The following C9orf40 variants were observed in gnomAD, a reference collection of about 807,000 sequenced individuals.
C9orf40 encodes the protein chromosome 9 open reading frame 40.
A neutral mutation model predicts 7.9 loss-of-function variants in C9orf40; 2 were observed. That is an observed-to-expected ratio of 0.25 (90% CI 0.10 to 0.80). C9orf40 has a LOEUF of 0.80. C9orf40 is among the 30% of genes least tolerant of loss of function. The pLI is 0.68. For missense variants in C9orf40, 256 were observed against 268.5 expected, an observed-to-expected ratio of 0.95 and a Z score of 0.33; for synonymous variants, 113 against 117.6, an observed-to-expected ratio of 0.96 and a Z score of 0.25.
rs1177429809 is a variant in C9orf40 at position 74,946,756 on chromosome 9, T to C, written c.*1292A>G. 1 of 152,192 alleles carries C rather than the reference T, an allele frequency of 6.6e-6. No homozygotes were observed. The highest frequency in any genetic ancestry group is 2.4e-5 in the African/African-American group (1 of 41,456). The allele number at this position is 152,192 out of a possible 1,614,324, so 9.4% of individuals were successfully genotyped here. A position where few individuals can be genotyped will look rare whatever the true frequency, so the allele number is the denominator to read the frequency against. ...TTCTGTTCTAAAGCATTCTTATTAA[T>C]GTCAACCCATTCTTAAATCCTTCAT... On this transcript the variant is annotated 3_prime_UTR_variant, in exon 2 of 2. Transcript: ENST00000376854.
intron 1 of C9orf40, among the ~76,000 whole-genome samples, chr9:74,949,375 A>G (rs1302547388): frequency 6.6e-6 from 1 of 152,186 alleles, no homozygotes; most frequent in Non-Finnish European, 1.5e-5. Context: ...TGAAAAACAA[A>G]CAAATAAACA....
chr9:74,952,334 T>C lies in C9orf40; in HGVS notation c.278A>G (p.Glu93Gly). Residue 93 changes from glutamate to glycine, a missense_variant, in exon 1 of 2, where the codon GAG (glutamate) becomes GGG (glycine). Transcript: ENST00000376854. This position sits in a 1 kb window ranked among gnomAD's most constrained non-coding sequence, Gnocchi z 5.4. ...CGGCGGCAGCGGCGGATCGCCTGTC[T>C]CCAGACCGTGGTCCTCACGCTCCTG... Reference protein sequence around the residue: ...SGQEREDHGLETGDPPLPPPP... With the variant: ...SGQEREDHGLGTGDPPLPPPP... The C allele has an allele frequency of 1.3e-6, 2 of 1,497,982 alleles. No individual in the cohort carries two copies. Among genetic ancestry groups the C allele is most frequent in the Non-Finnish European group, 1.8e-6 (2 of 1,130,694 alleles). The allele number at this position is 1,497,982 out of a possible 1,614,324, so 92.8% of individuals were successfully genotyped here.
intron 1 of C9orf40, among the ~76,000 whole-genome samples, chr9:74,951,120 T>C (rs1353432412): frequency 6.6e-6 from 1 of 152,168 alleles, no homozygotes; most frequent in East Asian, 1.9e-4. Context: ...ACGTTTCAAG[T>C]GTTCTTACCG....
At chr9:74,950,499 G>C (rs572396163) in intron 1 of C9orf40, among the ~76,000 whole-genome samples, 2 of 151,946 alleles carry the variant, frequency 1.3e-5, no homozygotes, top group Admixed American at 6.6e-5. Flanking sequence ...TGGATGGATG[G>C]TTTAGAAGAC....
rs193299226 is a variant in C9orf40, at chr9:74,946,993, A to G, written c.*1055T>C. 1.3e-5 allele frequency: 2 copies of G among 152,248 alleles called. No individual in the cohort carries two copies. Among genetic ancestry groups the G allele is most frequent in the African/African-American group, 2.4e-5 (1 of 41,470 alleles). The allele number at this position is 152,248 out of a possible 1,614,324, so 9.4% of individuals were successfully genotyped here. On this transcript the variant is annotated 3_prime_UTR_variant, in exon 2 of 2. Coordinates refer to ENST00000376854, the MANE Select transcript of C9orf40 (RefSeq NM_017998.3). Reference sequence around the variant, plus strand: ...TGCTTACTTTATTTCTTTAACAATGAAATAGTAATAACACAATAATTCAGT... The same window carrying G: ...TGCTTACTTTATTTCTTTAACAATGGAATAGTAATAACACAATAATTCAGT...
intron 1 of C9orf40, among the ~76,000 whole-genome samples, chr9:74,951,058 C>T (rs746007042): frequency 6.6e-6 from 1 of 152,062 alleles, no homozygotes; most frequent in African/African-American, 2.4e-5. Flanking sequence ...ATTAAATCCA[C>T]GAAATTTCGT....
chr9:74,949,424 CAT>C (rs1832274973), intron 1 of C9orf40, among the ~76,000 whole-genome samples: 2 of 152,106 alleles, frequency 1.3e-5, no homozygotes, highest in Admixed American at 6.5e-5. Context: ...AGTGAATCTA[CAT>C]AGTGACACTA....
rs937926781 is a variant in C9orf40 at position 74,947,295 on chromosome 9, C to G, written c.*753G>C. On this transcript the variant is annotated 3_prime_UTR_variant, in exon 2 of 2. Transcript: ENST00000376854. The stretch of plus-strand genomic sequence containing the variant: ...GCTGTCAGTGTTGAAAACTACAGGT[C>G]TAAAGTAATAAGGAATAAAACCATG... The G allele has an allele frequency of 2.0e-5, 3 of 152,576 alleles. No homozygotes were observed. The highest frequency in any genetic ancestry group is 4.4e-5 in the Non-Finnish European group (3 of 68,028). 9.5% of individuals were successfully genotyped at this position (152,576 alleles called of 1,614,324 possible).
rs138629715 is a variant in C9orf40, at chr9:74,947,775, A to G, written c.*273T>C. On this transcript the variant is annotated 3_prime_UTR_variant, in exon 2 of 2. Coordinates refer to ENST00000376854, the MANE Select transcript of C9orf40 (RefSeq NM_017998.3). ...TGCTAGAATTTCTTTTTATAAGATC[A>G]GTACCTTCAATTCTAGAATTTAAAC... 7.9e-6 allele frequency: 2 copies of G among 254,362 alleles called. No homozygotes were observed. Among genetic ancestry groups the G allele is most frequent in the East Asian group, 7.7e-5 (1 of 13,038 alleles). The allele number at this position is 254,362 out of a possible 1,614,324, so 15.8% of individuals were successfully genotyped here.
intron 1 of C9orf40, among the ~76,000 whole-genome samples, chr9:74,948,512 T>C (rs756816935): frequency 2.0e-5 from 3 of 152,118 alleles, no homozygotes; most frequent in African/African-American, 4.8e-5. Flanking sequence ...ATCTAAAAAG[T>C]CTTAAAATTT....
intron 1 of C9orf40, among the ~76,000 whole-genome samples, chr9:74,949,975 C>A (rs1004570086): frequency 3.0e-4 from 44 of 145,608 alleles, no homozygotes; most frequent in African/African-American, 1.0e-3. Flanking sequence ...TGGCAAAACC[C>A]CATCTCCACA....
chr9:74,952,220 G>C lies in C9orf40; in HGVS notation c.392C>G (p.Pro131Arg), dbSNP rs1211800689. ...GGDDGAGRAGPPRGDWGVASR... is the reference protein window; with the variant it reads ...GGDDGAGRAGRPRGDWGVASR... ...TGCGACCCCCCAGTCTCCCCGCGGG[G>C]GTCCTGCGCGCCCCGCCCCGTCGTC... is the stretch of plus-strand genomic sequence containing the variant. Residue 131 changes from proline to arginine, a missense_variant, in exon 1 of 2, where the codon CCC becomes CGC. Coordinates refer to ENST00000376854, the MANE Select transcript of C9orf40 (RefSeq NM_017998.3). The surrounding 1 kb of genome is among the most constrained non-coding windows in gnomAD (Gnocchi z 5.4). 4.1e-5 allele frequency: 50 copies of C among 1,213,556 alleles called. No homozygotes were observed. The highest frequency in any genetic ancestry group is 5.2e-5 in the Non-Finnish European group (50 of 967,224). The allele number at this position is 1,213,556 out of a possible 1,614,324, so 75.2% of individuals were successfully genotyped here.
chr9:74,952,607 G>A lies in C9orf40; in HGVS notation c.5C>T (p.Ala2Val). The change falls in exon 1 of 2, where the codon GCC (alanine) becomes GTC (valine). Residue 2 changes from alanine to valine, a missense_variant. Coordinates refer to ENST00000376854, the MANE Select transcript of C9orf40 (RefSeq NM_017998.3). The surrounding 1 kb of genome is among the most constrained non-coding windows in gnomAD (Gnocchi z 5.4). M[A>V]KRRAAEPVTF... ...CACCGGCTCGGCCGCACGCCGCTTGGCCATGGGCCCAGAGGCTCGGGCGGA... is the reference window on the plus strand; with the variant it reads ...CACCGGCTCGGCCGCACGCCGCTTGACCATGGGCCCAGAGGCTCGGGCGGA... 1 of 1,564,360 alleles carries A rather than the reference G, an allele frequency of 6.4e-7. No individual in the cohort carries two copies. The highest frequency in any genetic ancestry group is 1.2e-5 in the South Asian group (1 of 86,706).
At chr9:74,951,442 C>T (rs1256499344) in intron 1 of C9orf40, among the ~76,000 whole-genome samples, 1 of 152,152 alleles carries the variant, frequency 6.6e-6, no homozygotes, top group Non-Finnish European at 1.5e-5. Context: ...CGGGCATACA[C>T]CACCACACCC....
intron 1 of C9orf40, among the ~76,000 whole-genome samples, chr9:74,950,632 C>T (rs1832285517): frequency 6.6e-6 from 1 of 151,442 alleles, no homozygotes; most frequent in African/African-American, 2.4e-5. Flanking sequence ...ATAAAACTCT[C>T]GTTATTTTAT....
At position 74,952,202 on chromosome 9, in the gene C9orf40, C is replaced by G. The variant is rs1468554574; in HGVS notation, c.410G>C (p.Gly137Ala). 1.8e-6 allele frequency: 2 copies of G among 1,107,736 alleles called. No homozygotes were observed. Among genetic ancestry groups the G allele is most frequent in the Non-Finnish European group, 2.3e-6 (2 of 872,328 alleles). The allele number at this position is 1,107,736 out of a possible 1,614,324, so 68.6% of individuals were successfully genotyped here. A position where few individuals can be genotyped will look rare whatever the true frequency, so the allele number is the denominator to read the frequency against. ...GRAGPPRGDW[G>A]VASRQHNEEF... Reference sequence around the variant, plus strand: ...AGCCCCTACCTGGCGCGATGCGACCCCCCAGTCTCCCCGCGGGGGTCCTGC... The same window carrying G: ...AGCCCCTACCTGGCGCGATGCGACCGCCCAGTCTCCCCGCGGGGGTCCTGC... The change falls in exon 1 of 2, where the codon GGG (glycine) becomes GCG (alanine). Residue 137 changes from glycine to alanine, a missense_variant. Physicochemically the swap from Gly to Ala is moderately conservative, Grantham distance 60 (BLOSUM62 0). Coordinates refer to ENST00000376854, the MANE Select transcript of C9orf40 (RefSeq NM_017998.3). The surrounding 1 kb of genome is among the most constrained non-coding windows in gnomAD (Gnocchi z 5.4).
chr9:74,950,004 C>A (rs1183717306), intron 1 of C9orf40, among the ~76,000 whole-genome samples: 3 of 151,994 alleles, frequency 2.0e-5, no homozygotes, highest in Non-Finnish European at 4.4e-5. Context: ...AAAATTAGTC[C>A]AGCGTGGTGG....
Position 74,952,668 on chromosome 9 carries a change from G to A in C9orf40, c.-57C>T. On this transcript the variant is annotated 5_prime_UTR_variant, in exon 1 of 2. Transcript: ENST00000376854. This position sits in a 1 kb window ranked among gnomAD's most constrained non-coding sequence, Gnocchi z 5.4. Reference sequence around the variant, plus strand: ...CGCGGGAGACCGAGTGCCGATAGCTGCGGGGGGCGAAGAGCGAGGACTGAG... The same window carrying A: ...CGCGGGAGACCGAGTGCCGATAGCTACGGGGGGCGAAGAGCGAGGACTGAG... The A allele has an allele frequency of 6.9e-7, 1 of 1,454,402 alleles. No homozygotes were observed. The highest frequency in any genetic ancestry group is 9.2e-7 in the Non-Finnish European group (1 of 1,092,676). 90.1% of individuals were successfully genotyped at this position (1,454,402 alleles called of 1,614,324 possible).
chr9:74,952,221 G>A lies in C9orf40; in HGVS notation c.391C>T (p.Pro131Ser). ...GCGACCCCCCAGTCTCCCCGCGGGGGTCCTGCGCGCCCCGCCCCGTCGTCG... is the reference window on the plus strand; with the variant it reads ...GCGACCCCCCAGTCTCCCCGCGGGGATCCTGCGCGCCCCGCCCCGTCGTCG... ...GGDDGAGRAG[P>S]PRGDWGVASR... is the part of the protein sequence containing the mutation. Residue 131 changes from proline (P) to serine (S), a missense_variant, in exon 1 of 2, where the codon CCC (proline) becomes TCC (serine). Transcript: ENST00000376854. The surrounding 1 kb of genome is among the most constrained non-coding windows in gnomAD (Gnocchi z 5.4). 1 of 1,219,270 alleles carries A rather than the reference G, an allele frequency of 8.2e-7. No homozygotes were observed. The highest frequency in any genetic ancestry group is 1.0e-6 in the Non-Finnish European group (1 of 971,146). 75.5% of individuals were successfully genotyped at this position (1,219,270 alleles called of 1,614,324 possible).
Sources: allele counts gnomAD v4.1 joint callset (sites outside exome capture counted in the v4.1 genomes callset), GRCh38; gene constraint gnomAD v4.1.1; non-coding constraint Gnocchi (gnomAD v3.1); transcripts MANE v1.5; gene names NCBI Gene and HGNC (gene_info 2026-07-23, HGNC 2026-07-21).